The following TCERG1L variants were observed in gnomAD, a reference collection of about 807,000 sequenced individuals.
TCERG1L encodes transcription elongation regulator 1-like protein.
A neutral mutation model predicts 56.3 loss-of-function variants in TCERG1L; 37 were observed. The ratio of observed to expected loss-of-function variants is 0.66; its 90% CI spans 0.51 to 0.87. The LOEUF (loss-of-function observed/expected upper bound fraction) is 0.87, where lower values mean the gene tolerates loss of function less well. TCERG1L is among the 40% of genes least tolerant of loss of function. The pLI, the probability that TCERG1L is intolerant of heterozygous loss-of-function variation, is 0.00. For missense variants in TCERG1L, 799 were observed against 774.2 expected, an observed-to-expected ratio of 1.03 and a Z score of -0.38; for synonymous variants, 324 against 326.3, an observed-to-expected ratio of 0.99 and a Z score of 0.08.
rs369822524 is a variant in TCERG1L, at chr10:131,260,272, C to T, written c.843G>A (p.Thr281=). ...CTCCGAGCCTACCTGAGACGGGGGACGTCCGGAGGGGTATTTTGATGGGTG... is the reference window on the plus strand; with the variant it reads ...CTCCGAGCCTACCTGAGACGGGGGATGTCCGGAGGGGTATTTTGATGGGTG... ...TLAPIKIPLR[T]SPVSDTRTER... Residue 281 remains threonine, a synonymous_variant, in exon 4 of 12, where the codon ACG becomes ACA. Coordinates refer to ENST00000368642, the MANE Select transcript of TCERG1L (RefSeq NM_174937.4). The surrounding 1 kb of genome is among the most constrained non-coding windows in gnomAD (Gnocchi z 5.8). 1.4e-5 allele frequency: 19 copies of T among 1,368,654 alleles called. No individual in the cohort carries two copies. The highest frequency in any genetic ancestry group is 3.0e-5 in the Admixed American group (1 of 32,874). 84.8% of individuals were successfully genotyped at this position (1,368,654 alleles called of 1,614,324 possible).
At chr10:131,126,995 A>G (rs1034202848) in intron 8 of TCERG1L, among the ~76,000 whole-genome samples, 62 of 152,098 alleles carry the variant, frequency 4.1e-4, no homozygotes, top group African/African-American at 1.4e-3. Context: ...CCACAACAAC[A>G]AACACCTATT....
intron 11 of TCERG1L, among the ~76,000 whole-genome samples, chr10:131,097,227 C>T (rs796911023): frequency 7.2e-6 from 1 of 138,642 alleles, no homozygotes; most frequent in Non-Finnish European, 1.6e-5. Context: ...AAAAAAGAAA[C>T]AAACAAAAAA....
At chr10:131,132,388 C>T (rs1476367463) in intron 8 of TCERG1L, among the ~76,000 whole-genome samples, 3 of 152,280 alleles carry the variant, frequency 2.0e-5, no homozygotes, top group Middle Eastern at 3.4e-3. Context: ...TTTTCAGTGA[C>T]GGAAGTCATT....
intron 8 of TCERG1L, among the ~76,000 whole-genome samples, chr10:131,127,571 C>T (rs1257060891): frequency 6.6e-6 from 1 of 152,150 alleles, no homozygotes; most frequent in Non-Finnish European, 1.5e-5. Flanking sequence ...GACTGGTGAG[C>T]TCAGTATAGC....
chr10:131,308,501 C>G (rs1846839947), intron 2 of TCERG1L, 110 bp from the exon 3 acceptor site: 1 of 884,600 alleles, frequency 1.1e-6, no homozygotes, highest in Non-Finnish European at 1.7e-6. Flanking sequence ...ATTGAACATT[C>G]TATTATTGGG....
chr10:131,303,166 T>C (rs970817357), intron 3 of TCERG1L, among the ~76,000 whole-genome samples: 1 of 152,036 alleles, frequency 6.6e-6, no homozygotes, highest in African/African-American at 2.4e-5. Context: ...CTGGTTCAAA[T>C]GTATTTCTGG....
At chr10:131,134,297 G>A in intron 8 of TCERG1L, 82 bp downstream of exon 8, 1 of 1,248,028 alleles carries the variant, frequency 8.0e-7, no homozygotes, top group South Asian at 1.3e-5. Flanking sequence ...TAGTCAATGT[G>A]GTCAAAATGA....
Position 131,238,586 on chromosome 10 carries a change from G to C in TCERG1L, c.856+21673C>G, listed in dbSNP as rs1166978709. On this transcript the variant is annotated intron_variant, in intron 4 of 11. Transcript: ENST00000368642. The stretch of plus-strand genomic sequence containing the variant: ...CTGGAAGTTATGTGCTTTCCTATTG[G>C]GAACCTTCCTCCATGTTCATTATCT... 2.0e-5 allele frequency among the ~76,000 whole-genome samples: 3 copies of C among 152,148 alleles called. No individual in the cohort carries two copies. The East Asian group carries it at 5.8e-4, about 29-fold the overall frequency.
At chr10:131,184,497 T>G (rs1242911563) in intron 4 of TCERG1L, among the ~76,000 whole-genome samples, 1 of 152,204 alleles carries the variant, frequency 6.6e-6, no homozygotes, top group African/African-American at 2.4e-5. Context: ...TGAAACTGCA[T>G]GCGATATTTG....
At chr10:131,287,369 T>G (rs901671756) in intron 3 of TCERG1L, among the ~76,000 whole-genome samples, 1 of 152,242 alleles carries the variant, frequency 6.6e-6, no homozygotes, top group Non-Finnish European at 1.5e-5. Flanking sequence ...TTCATTATTT[T>G]GTGGCTTGTC....
intron 4 of TCERG1L, among the ~76,000 whole-genome samples, chr10:131,256,536 G>T (rs757235437): frequency 1.3e-5 from 2 of 152,116 alleles, no homozygotes; most frequent in African/African-American, 2.4e-5. Flanking sequence ...TTCTGGCCTG[G>T]ACAATTCAGT....
intron 4 of TCERG1L, among the ~76,000 whole-genome samples, chr10:131,252,670 T>G (rs1302863665): frequency 6.6e-6 from 1 of 152,164 alleles, no homozygotes; most frequent in Non-Finnish European, 1.5e-5. Context: ...CTGAAACACA[T>G]GTCACTCTCC....
chr10:131,266,926 G>A (rs1224595897), intron 3 of TCERG1L, among the ~76,000 whole-genome samples: 1 of 152,088 alleles, frequency 6.6e-6, no homozygotes, highest in Admixed American at 6.5e-5. Context: ...TCAGAGGGGA[G>A]GAAGTGCCTT....
rs371739881 is a variant in TCERG1L at position 131,310,976 on chromosome 10, A to T, written c.342+318T>A. Among the ~76,000 whole-genome samples the T allele has an allele frequency of 2.7e-3, 408 of 152,214 alleles. 1 individual carries two copies. The highest frequency in any genetic ancestry group is 9.4e-3 in the African/African-American group (391 of 41,532). The stretch of plus-strand genomic sequence containing the variant: ...GCGGCGGTCACGGAGCCACTTCAGC[A>T]CCTCGCGATGGACAGTGACCCCCGG... On this transcript the variant is annotated intron_variant, in intron 1 of 11. Transcript: ENST00000368642.
At chr10:131,102,874 GC>G (rs1845317317) in intron 10 of TCERG1L, among the ~76,000 whole-genome samples, 2 of 152,012 alleles carry the variant, frequency 1.3e-5, no homozygotes, top group Admixed American at 6.6e-5. Flanking sequence ...GCAACAACAG[GC>G]CCCTCCTGTG....
intron 4 of TCERG1L, among the ~76,000 whole-genome samples, chr10:131,257,049 G>GAGAAAGAAAAGA (rs1846180331): frequency 1.4e-5 from 2 of 140,392 alleles, no homozygotes; most frequent in African/African-American, 5.3e-5. Context: ...AAGAAAGAAA[G>GAGAAAGAAAAGA]AAAGAAAAGA....
At chr10:131,162,302 G>C (rs1399226836) in intron 6 of TCERG1L, 2 of 152,322 alleles carry the variant, frequency 1.3e-5, no homozygotes, top group African/African-American at 4.8e-5. Context: ...GGAGGCACCA[G>C]GAGCCTGCCA....
intron 4 of TCERG1L, among the ~76,000 whole-genome samples, chr10:131,178,972 C>G (rs1245680233): frequency 1.3e-5 from 2 of 152,268 alleles, no homozygotes; most frequent in Non-Finnish European, 2.9e-5. Context: ...CCCTCAGGGA[C>G]ACACTCCTAC....
intron 6 of TCERG1L, among the ~76,000 whole-genome samples, chr10:131,152,715 C>T (rs1037780209): frequency 1.3e-5 from 2 of 152,160 alleles, no homozygotes; most frequent in Non-Finnish European, 2.9e-5. Context: ...TCTCACATAG[C>T]TATAAGGAAA....
Sources: allele counts gnomAD v4.1 joint callset (sites outside exome capture counted in the v4.1 genomes callset), GRCh38; gene constraint gnomAD v4.1.1; non-coding constraint Gnocchi (gnomAD v3.1); transcripts MANE v1.5; gene names NCBI Gene and HGNC (gene_info 2026-07-23, HGNC 2026-07-21).